Variants in CGB7 observed in about 807,000 individuals in gnomAD.
The protein encoded by CGB7 is choriogonadotropin subunit beta 7.
CGB7 carries 6 observed loss-of-function variants against 7.3 expected under a neutral mutation model. The ratio of observed to expected loss-of-function variants is 0.82; its 90% CI spans 0.45 to 1.62. The LOEUF is 1.62. CGB7 is among the 40% of genes most tolerant of loss of function. The pLI is 0.01. For missense variants in CGB7, 114 were observed against 236.2 expected (o/e 0.48, Z 3.39); for synonymous variants, 47 against 100.8 (o/e 0.47, Z 3.20).
chr19:49,055,034 G>A (rs374713601), intron 3 of CGB7, 26 bp from the exon 4 acceptor site: 26 of 1,601,072 alleles, frequency 1.6e-5, no homozygotes, highest in South Asian at 3.3e-5. Context: ...TGCTTCACCC[G>A]GGCCTGAGAC....
intron 2 of CGB7, among the ~76,000 whole-genome samples, chr19:49,056,858 G>C (rs892148383): frequency 6.6e-6 from 1 of 152,194 alleles, no homozygotes; most frequent in African/African-American, 2.4e-5. Flanking sequence ...CTCAAGTACC[G>C]AAGGAGGCCC....
Position 49,054,971 on chromosome 19 carries a change from G to A in CGB7, c.53C>T (p.Thr18Ile), listed in dbSNP as rs528616150. 6.3e-7 allele frequency: 1 copy of A among 1,597,340 alleles called. No homozygotes were observed. The highest frequency in any genetic ancestry group is 1.4e-5 in the African/African-American group (1 of 73,684). The change falls in exon 4 of 5, where the codon ACA becomes ATA. Residue 18 changes from threonine to isoleucine, a missense_variant. Physicochemically the swap from Thr to Ile is moderately conservative, Grantham distance 89. Around this residue, in one of 3 missense-constraint regions of CGB7, gnomAD observed 58 missense variants for 91.7 expected, o/e 0.63. Transcript: ENST00000684222. ...CCGAAGCATCTCCCTGGATGCCCAT[G>A]TCCCGCCCATGCTCAGCAGCAGCAA... is the stretch of plus-strand genomic sequence containing the variant. ...LLLLLLSMGG[T>I]WASREMLRPR... is the part of the protein sequence containing the mutation.
At position 49,054,993 on chromosome 19, in the gene CGB7, G is replaced by A; in HGVS notation, c.31C>T (p.Leu11=). The change falls in exon 4 of 5, where the codon CTG becomes TTG. Residue 11 remains leucine (L), a synonymous_variant. Coordinates refer to ENST00000684222, the MANE Select transcript of CGB7 (RefSeq NM_001385261.1). MEMFQGLLLL[L]LLSMGGTWAS... ...CATGTCCCGCCCATGCTCAGCAGCA[G>A]CAACAGCAGCAGCCCCTGGGACAAG... 1.2e-6 allele frequency: 2 copies of A among 1,602,350 alleles called. No individual in the cohort carries two copies. The highest frequency in any genetic ancestry group is 1.7e-6 in the Non-Finnish European group (2 of 1,179,390).
chr19:49,054,808 T>C (rs759981819), intron 4 of CGB7, 33 bp downstream of exon 4: 8 of 1,552,780 alleles, frequency 5.2e-6, no homozygotes, highest in Non-Finnish European at 6.9e-6. Context: ...GGCCCTGAGG[T>C]GGCAGCACCT....
At position 49,055,694 on chromosome 19, in the gene CGB7, G is replaced by T. The variant is rs1972070726; in HGVS notation, c.-319C>A. The T allele has an allele frequency of 7.6e-7, 1 of 1,313,040 alleles. No individual in the cohort carries two copies. Among genetic ancestry groups the T allele is most frequent in the Admixed American group, 3.2e-5 (1 of 31,362 alleles). The allele number at this position is 1,313,040 out of a possible 1,614,324, so 81.3% of individuals were successfully genotyped here. A position where few individuals can be genotyped will look rare whatever the true frequency, so the allele number is the denominator to read the frequency against. ...GGAAGGCCTGCCTCTGCCTATGGTG[G>T]GGTCTTGGGAACCAGGAGGAGGCCG... is the stretch of plus-strand genomic sequence containing the variant. On this transcript the variant is annotated 5_prime_UTR_variant, in exon 3 of 5. Coordinates refer to ENST00000684222, the MANE Select transcript of CGB7 (RefSeq NM_001385261.1).
Position 49,056,068 on chromosome 19 carries a change from C to T in CGB7, c.-693G>A, listed in dbSNP as rs1180784718. Reference sequence around the variant, plus strand: ...CCCGCGGGGCCGCAGCCTCGGAGGACATTGTCTGGACTTAGTCCCTTCCCC... The same window carrying T: ...CCCGCGGGGCCGCAGCCTCGGAGGATATTGTCTGGACTTAGTCCCTTCCCC... On this transcript the variant is annotated 5_prime_UTR_variant, in exon 3 of 5. The change abolishes an upstream ATG in the 5' untranslated region. Transcript: ENST00000684222. The T allele has an allele frequency of 2.6e-6, 3 of 1,172,122 alleles. No homozygotes were observed. The East Asian group carries it at 1.9e-4, about 73-fold the overall frequency. 72.6% of individuals were successfully genotyped at this position (1,172,122 alleles called of 1,614,324 possible). A position where few individuals can be genotyped will look rare whatever the true frequency, so the allele number is the denominator to read the frequency against.
intron 3 of CGB7, 65 bp downstream of exon 3, chr19:49,055,296 C>T (rs1000289437): frequency 1.9e-6 from 3 of 1,608,412 alleles, no homozygotes; most frequent in Non-Finnish European, 1.7e-6. Flanking sequence ...CACTGGTCTG[C>T]CCCTTCTCAT....
intron 2 of CGB7, 46 bp downstream of exon 2, chr19:49,057,075 G>A: frequency 6.6e-7 from 1 of 1,523,390 alleles, no homozygotes; most frequent in African/African-American, 1.4e-5. Flanking sequence ...CACCGGCCAT[G>A]GCGGGGGCTG....
intron 3 of CGB7, 47 bp from the exon 4 acceptor site, chr19:49,055,055 A>T: frequency 1.9e-6 from 3 of 1,601,028 alleles, no homozygotes; most frequent in Non-Finnish European, 2.5e-6. Context: ...CACAGCCCTG[A>T]GCCCTGGCCT....
Position 49,055,695 on chromosome 19 carries a change from G to C in CGB7, c.-320C>G. On this transcript the variant is annotated 5_prime_UTR_variant, in exon 3 of 5. Transcript: ENST00000684222. The stretch of plus-strand genomic sequence containing the variant: ...GAAGGCCTGCCTCTGCCTATGGTGG[G>C]GTCTTGGGAACCAGGAGGAGGCCGT... 1 of 1,309,688 alleles carries C rather than the reference G, an allele frequency of 7.6e-7. No individual in the cohort carries two copies. Among genetic ancestry groups the C allele is most frequent in the Admixed American group, 3.2e-5 (1 of 31,252 alleles). 81.1% of individuals were successfully genotyped at this position (1,309,688 alleles called of 1,614,324 possible).
Position 49,055,473 on chromosome 19 carries a change from G to A in CGB7, c.-98C>T, listed in dbSNP as rs80068815. The A allele has an allele frequency of 6.5e-3, 10,395 of 1,607,444 alleles. 291 individuals are homozygous for A. In the East Asian group the frequency reaches 0.074, roughly 11 times the overall value. ...GGTTGTAGGATGCTGGAGTGAGCTG[G>A]ACACTAACCCTTCGGGGGGCGAGAA... On this transcript the variant is annotated 5_prime_UTR_variant, in exon 3 of 5. Transcript: ENST00000684222.
chr19:49,056,636 C>T, intron 2 of CGB7, 41 bp from the exon 3 acceptor site: 1 of 1,217,614 alleles, frequency 8.2e-7, no homozygotes, highest in Non-Finnish European at 1.0e-6. Context: ...CAGCTGGATC[C>T]TTGGGGACGA....
chr19:49,056,289 A>G lies in CGB7; in HGVS notation c.-914T>C. On this transcript the variant is annotated 5_prime_UTR_variant, in exon 3 of 5. Transcript: ENST00000684222. ...CAGGCTCCCACTAGCCCCGGCTTACAGCGGCCTGAGCGGGAGTTCTCGGTG... is the reference window on the plus strand; with the variant it reads ...CAGGCTCCCACTAGCCCCGGCTTACGGCGGCCTGAGCGGGAGTTCTCGGTG... 7.7e-7 allele frequency: 1 copy of G among 1,291,360 alleles called. No homozygotes were observed. The allele number at this position is 1,291,360 out of a possible 1,614,324, so 80.0% of individuals were successfully genotyped here. A position where few individuals can be genotyped will look rare whatever the true frequency, so the allele number is the denominator to read the frequency against.
rs924177631 is a variant in CGB7 at position 49,056,292 on chromosome 19, G to C, written c.-917C>G. 1.9e-5 allele frequency: 24 copies of C among 1,292,126 alleles called. No homozygotes were observed. Among genetic ancestry groups the C allele is most frequent in the Admixed American group, 2.3e-5 (1 of 43,660 alleles). 80.0% of individuals were successfully genotyped at this position (1,292,126 alleles called of 1,614,324 possible). On this transcript the variant is annotated 5_prime_UTR_variant, in exon 3 of 5. Coordinates refer to ENST00000684222, the MANE Select transcript of CGB7 (RefSeq NM_001385261.1). ...GCTCCCACTAGCCCCGGCTTACAGC[G>C]GCCTGAGCGGGAGTTCTCGGTGCTG... is the stretch of plus-strand genomic sequence containing the variant.
Position 49,056,478 on chromosome 19 carries a change from C to T in CGB7, c.-1103G>A. On this transcript the variant is annotated 5_prime_UTR_variant, in exon 3 of 5. Coordinates refer to ENST00000684222, the MANE Select transcript of CGB7 (RefSeq NM_001385261.1). ...ATGGCCCGCCGTGCGGCGCTCGAGG[C>T]GGCCTGGAAGAGCAGAGACAGGGCT... 1.5e-6 allele frequency: 2 copies of T among 1,300,998 alleles called. No individual in the cohort carries two copies. Among genetic ancestry groups the T allele is most frequent in the Non-Finnish European group, 2.0e-6 (2 of 996,348 alleles). The allele number at this position is 1,300,998 out of a possible 1,614,324, so 80.6% of individuals were successfully genotyped here. A position where few individuals can be genotyped will look rare whatever the true frequency, so the allele number is the denominator to read the frequency against.
chr19:49,057,096 G>C (rs1459059330), intron 2 of CGB7, 25 bp downstream of exon 2: 2 of 1,530,714 alleles, frequency 1.3e-6, no homozygotes, highest in Non-Finnish European at 8.7e-7. Context: ...TGCAGGAGGC[G>C]GTGCCGAGCG....
chr19:49,055,064 C>G (rs555316925), intron 3 of CGB7, 56 bp from the exon 4 acceptor site: 6 of 1,600,834 alleles, frequency 3.7e-6, no homozygotes, highest in Non-Finnish European at 4.2e-6. Flanking sequence ...GAGCCCTGGC[C>G]TTCCCATCCC....
chr19:49,056,266 G>A lies in CGB7; in HGVS notation c.-891C>T, dbSNP rs1290202213. 7.7e-7 allele frequency: 1 copy of A among 1,290,742 alleles called. No individual in the cohort carries two copies. Among genetic ancestry groups the A allele is most frequent in the South Asian group, 1.2e-5 (1 of 81,428 alleles). 80.0% of individuals were successfully genotyped at this position (1,290,742 alleles called of 1,614,324 possible). A position where few individuals can be genotyped will look rare whatever the true frequency, so the allele number is the denominator to read the frequency against. ...TGTCTGGGGTGGGGCTGGCCCGGCA[G>A]GCTCCCACTAGCCCCGGCTTACAGC... On this transcript the variant is annotated 5_prime_UTR_variant, in exon 3 of 5. Coordinates refer to ENST00000684222, the MANE Select transcript of CGB7 (RefSeq NM_001385261.1).
rs532094994 is a variant in CGB7 at position 49,055,910 on chromosome 19, G to C, written c.-535C>G. 9.2e-7 allele frequency: 1 copy of C among 1,084,590 alleles called. No individual in the cohort carries two copies. The highest frequency in any genetic ancestry group is 1.1e-6 in the Non-Finnish European group (1 of 886,126). 67.2% of individuals were successfully genotyped at this position (1,084,590 alleles called of 1,614,324 possible). A position where few individuals can be genotyped will look rare whatever the true frequency, so the allele number is the denominator to read the frequency against. On this transcript the variant is annotated 5_prime_UTR_variant, in exon 3 of 5. Coordinates refer to ENST00000684222, the MANE Select transcript of CGB7 (RefSeq NM_001385261.1). The stretch of plus-strand genomic sequence containing the variant: ...TGCCCCCCAACGAGGGATTCAGCCC[G>C]AGCCCCACCTCTCCCTTAGGAACCT...
Sources: allele counts gnomAD v4.1 joint callset (sites outside exome capture counted in the v4.1 genomes callset), GRCh38; gene constraint gnomAD v4.1.1; regional missense constraint gnomAD v4.1.1; transcripts MANE v1.5; gene names NCBI Gene and HGNC (gene_info 2026-07-23, HGNC 2026-07-21).